Variants in FAAH2 observed in about 807,000 individuals in gnomAD.
The protein encoded by FAAH2 is fatty-acid amide hydrolase 2.
In FAAH2, 60 loss-of-function variants were observed where a neutral mutation model predicts 36.9. That is an observed-to-expected ratio of 1.63 (90% CI 1.32 to 2.02). The LOEUF (loss-of-function observed/expected upper bound fraction) is 2.02. Among genes scored for constraint, FAAH2 ranks in the 30% most tolerant of loss-of-function variants. The pLI is 0.00. For missense variants in FAAH2, 689 were observed against 397.5 expected, an observed-to-expected ratio of 1.73 and a Z score of -6.23; for synonymous variants, 214 against 143.8, an observed-to-expected ratio of 1.49 and a Z score of -3.49.
intron 7 of FAAH2, among the ~76,000 whole-genome samples, chrX:57,407,529 G>A (rs954123853): frequency 1.8e-4 from 20 of 112,093 alleles, no homozygotes; most frequent in African/African-American, 6.5e-4. Context: ...GCCAATCTCT[G>A]CCAGATTTTT....
the FAAH2 span, among the ~76,000 whole-genome samples, chrX:57,184,513 G>C: frequency 1.9e-3 from 215 of 112,277 alleles, 6 homozygotes; most frequent in South Asian, 0.07. Context: ...TTGAAATATT[G>C]GGGGTGGGTT....
At chrX:57,193,420 C>T in the FAAH2 span, among the ~76,000 whole-genome samples, 1 of 112,074 alleles carries the variant, frequency 8.9e-6, no homozygotes, top group South Asian at 3.7e-4. Flanking sequence ...CACCCCTGTC[C>T]TGTGGTCCTG....
the FAAH2 span, among the ~76,000 whole-genome samples, chrX:57,233,313 G>A: frequency 9.0e-6 from 1 of 111,566 alleles, no homozygotes; most frequent in East Asian, 2.8e-4. Flanking sequence ...CAAAATACCC[G>A]CCATGAGCTG....
intron 10 of FAAH2, among the ~76,000 whole-genome samples, chrX:57,486,017 C>T (rs780379688): frequency 8.9e-6 from 1 of 111,812 alleles, no homozygotes; most frequent in South Asian, 3.8e-4. Context: ...GAATGGTGAG[C>T]TGTGCTTTGT....
intron 2 of FAAH2, among the ~76,000 whole-genome samples, chrX:57,310,043 C>T (rs1362968483): frequency 1.8e-5 from 2 of 112,327 alleles, no homozygotes; most frequent in Admixed American, 9.5e-5. Flanking sequence ...TACATTCTCA[C>T]CAACAGCGTA....
chrX:57,315,527 C>G (rs1173538984), intron 3 of FAAH2, among the ~76,000 whole-genome samples: 1 of 111,069 alleles, frequency 9.0e-6, no homozygotes, highest in Non-Finnish European at 1.9e-5. Flanking sequence ...TCTAGCAAAC[C>G]AAATCCAGCA....
At chrX:57,181,037 C>A in the FAAH2 span, among the ~76,000 whole-genome samples, 5 of 111,663 alleles carry the variant, frequency 4.5e-5, no homozygotes, top group African/African-American at 9.8e-5. Context: ...ACCAGATAAT[C>A]ATCTCAATAG....
At chrX:57,412,008 G>T (rs1394453406) in intron 7 of FAAH2, among the ~76,000 whole-genome samples, 1 of 111,365 alleles carries the variant, frequency 9.0e-6, no homozygotes, top group Non-Finnish European at 1.9e-5. Flanking sequence ...CATATTTATG[G>T]GGTACATGTA....
intron 5 of FAAH2, among the ~76,000 whole-genome samples, chrX:57,347,239 T>C (rs1027757668): frequency 1.8e-5 from 2 of 112,194 alleles, no homozygotes; most frequent in African/African-American, 6.5e-5. Flanking sequence ...CTCATATTTC[T>C]TGGAGGTTTT....
At chrX:57,401,664 C>G (rs1033199299) in intron 7 of FAAH2, among the ~76,000 whole-genome samples, 2 of 111,133 alleles carry the variant, frequency 1.8e-5, no homozygotes, top group African/African-American at 3.3e-5. Context: ...GGCTTCGGGT[C>G]TAAGGGGGTA....
chrX:57,338,076 G>A (rs964182575), intron 4 of FAAH2, among the ~76,000 whole-genome samples: 14 of 112,016 alleles, frequency 1.2e-4, no homozygotes, highest in Non-Finnish European at 1.7e-4. Flanking sequence ...ATGAACGTCC[G>A]TGTGAAGAGA....
chrX:57,480,292 G>A (rs1414210584), intron 10 of FAAH2, among the ~76,000 whole-genome samples: 1 of 111,464 alleles, frequency 9.0e-6, no homozygotes, highest in Non-Finnish European at 1.9e-5. Context: ...TACCAAAGCC[G>A]GGCAAAGACA....
At chrX:57,232,884 G>T in the FAAH2 span, among the ~76,000 whole-genome samples, 1 of 112,101 alleles carries the variant, frequency 8.9e-6, no homozygotes, top group South Asian at 3.7e-4. Context: ...TTTTATGTTG[G>T]CCTACCAGGG....
the FAAH2 span, among the ~76,000 whole-genome samples, chrX:57,250,676 A>T: frequency 9.0e-6 from 1 of 110,836 alleles, no homozygotes; most frequent in East Asian, 2.8e-4. Flanking sequence ...AACAGGAGAT[A>T]TTACAATTGA....
upstream of FAAH2, among the ~76,000 whole-genome samples, chrX:57,282,324 T>C (rs986415317): frequency 1.8e-5 from 2 of 112,346 alleles, no homozygotes; most frequent in African/African-American, 6.5e-5. Context: ...CGATTAGTGA[T>C]GATGAGCATT....
At chrX:57,487,123 A>G (rs1320250919) in intron 10 of FAAH2, among the ~76,000 whole-genome samples, 1 of 111,372 alleles carries the variant, frequency 9.0e-6, no homozygotes, top group Non-Finnish European at 1.9e-5. Flanking sequence ...CCCACCGTAT[A>G]CAAAAACTAA....
the FAAH2 span, among the ~76,000 whole-genome samples, chrX:57,214,606 T>G: frequency 1.8e-5 from 2 of 110,958 alleles, no homozygotes; most frequent in East Asian, 5.7e-4. Context: ...TTTTTGTATT[T>G]TTAGTAGAGA....
At chrX:57,244,593 G>T in the FAAH2 span, among the ~76,000 whole-genome samples, 3 of 111,634 alleles carry the variant, frequency 2.7e-5, no homozygotes, top group East Asian at 5.6e-4. Context: ...TTAAATAAGA[G>T]AATTTTCAAC....
At chrX:57,476,219 A>G (rs916099000) in intron 10 of FAAH2, among the ~76,000 whole-genome samples, 2 of 111,250 alleles carry the variant, frequency 1.8e-5, no homozygotes. Flanking sequence ...CCTGGCCAGA[A>G]CTTCCAATAC....
Sources: allele counts gnomAD v4.1 joint callset (sites outside exome capture counted in the v4.1 genomes callset), GRCh38; gene constraint gnomAD v4.1.1; transcripts MANE v1.5; gene names NCBI Gene and HGNC (gene_info 2026-07-23, HGNC 2026-07-21).